The following GDA variants were observed in gnomAD, a reference collection of about 807,000 sequenced individuals.
GDA encodes guanine deaminase, also known as cytoplasmic PSD-95 interactor.
GDA carries 18 observed loss-of-function variants against 59.6 expected under a neutral mutation model. The observed-to-expected ratio is 0.30, with a 90% CI of 0.21 to 0.45. The LOEUF (loss-of-function observed/expected upper bound fraction) is 0.45, where lower values mean the gene tolerates loss of function less well. Among genes scored for constraint, GDA ranks in the 20% least tolerant of loss-of-function variants. The pLI, the probability that GDA is intolerant of heterozygous loss-of-function variation, is 1.00. For missense variants in GDA, 427 were observed against 552.3 expected, an observed-to-expected ratio of 0.77 and a Z score of 2.27; for synonymous variants, 201 against 201.1, an observed-to-expected ratio of 1.00 and a Z score of 0.00.
chr9:72,209,584 G>A (rs996196870), intron 3 of GDA, among the ~76,000 whole-genome samples: 1 of 151,878 alleles, frequency 6.6e-6, no homozygotes, highest in Non-Finnish European at 1.5e-5. Flanking sequence ...TTTCCTCTAA[G>A]ATTTTTTCCA....
At chr9:72,138,944 G>C (rs750241029) in intron 1 of GDA, among the ~76,000 whole-genome samples, 1 of 152,138 alleles carries the variant, frequency 6.6e-6, no homozygotes, top group African/African-American at 2.4e-5. Flanking sequence ...AATAATTTAT[G>C]TAATTAAGTT....
chr9:72,202,593 G>A lies in GDA; in HGVS notation c.235G>A (p.Val79Ile). ...SHHEFFMPGL[V>I]DTHIHASQYS... is the part of the protein sequence containing the mutation. Reference sequence around the variant, plus strand: ...CAGTGAGTTCTTCATGCCTGGGCTGGTTGATACACACATCCATGCCTCTCA... The same window carrying A: ...CAGTGAGTTCTTCATGCCTGGGCTGATTGATACACACATCCATGCCTCTCA... Residue 79 changes from valine (V) to isoleucine (I), a missense_variant, in exon 3 of 14, where the codon GTT (valine) becomes ATT (isoleucine). Val to Ile is a conservative substitution (Grantham distance 29). Coordinates refer to ENST00000358399, the MANE Select transcript of GDA (RefSeq NM_004293.5). 2.5e-6 allele frequency: 4 copies of A among 1,610,124 alleles called. No individual in the cohort carries two copies. Among genetic ancestry groups the A allele is most frequent in the Non-Finnish European group, 3.4e-6 (4 of 1,176,996 alleles).
At chr9:72,152,726 C>T (rs1827367014) in intron 1 of GDA, among the ~76,000 whole-genome samples, 1 of 151,978 alleles carries the variant, frequency 6.6e-6, no homozygotes, top group Non-Finnish European at 1.5e-5. Flanking sequence ...AAAATTTTCT[C>T]CCATTTTGTA....
chr9:72,255,619 G>A (rs1448465591), downstream of GDA, among the ~76,000 whole-genome samples: 1 of 152,188 alleles, frequency 6.6e-6, no homozygotes, highest in Non-Finnish European at 1.5e-5. Flanking sequence ...AACTATGAAA[G>A]ATGAATTGGC....
At chr9:72,232,847 A>G (rs1040989446) in intron 10 of GDA, among the ~76,000 whole-genome samples, 2 of 152,218 alleles carry the variant, frequency 1.3e-5, no homozygotes, top group Admixed American at 6.5e-5. Context: ...GTAACTAGCA[A>G]TTACAACTAT....
intron 1 of GDA, among the ~76,000 whole-genome samples, chr9:72,138,337 A>T (rs1441553626): frequency 6.6e-6 from 1 of 152,172 alleles, no homozygotes; most frequent in African/African-American, 2.4e-5. Flanking sequence ...GAGGCTAGAA[A>T]GGGAGCTGGA....
intron 1 of GDA, among the ~76,000 whole-genome samples, chr9:72,118,044 G>A (rs367818892): frequency 4.0e-5 from 6 of 151,746 alleles, no homozygotes; most frequent in East Asian, 3.9e-4. Flanking sequence ...AGGCTGAGGC[G>A]GGCGGATCAT....
chr9:72,123,581 G>A (rs544347084), intron 1 of GDA, among the ~76,000 whole-genome samples: 23 of 147,518 alleles, frequency 1.6e-4, no homozygotes, highest in African/African-American at 4.5e-4. Context: ...TCCATCTCCC[G>A]GGTTCAAGCG....
chr9:72,205,004 C>A (rs1834494238), intron 3 of GDA, among the ~76,000 whole-genome samples: 1 of 149,540 alleles, frequency 6.7e-6, no homozygotes, highest in Non-Finnish European at 1.5e-5. Flanking sequence ...CTCAGCTACT[C>A]AGGAGGCTGA....
intron 3 of GDA, among the ~76,000 whole-genome samples, chr9:72,206,160 A>AT (rs1363797143): frequency 3.3e-5 from 5 of 152,134 alleles, no homozygotes; most frequent in Non-Finnish European, 7.4e-5. Flanking sequence ...TTATTCTGCG[A>AT]TTTTTTAAAA....
intron 2 of GDA, among the ~76,000 whole-genome samples, chr9:72,196,310 G>A (rs555149280): frequency 2.0e-5 from 3 of 151,750 alleles, no homozygotes; most frequent in Admixed American, 6.6e-5. Context: ...GTGAAACCCC[G>A]TCTCTACTAA....
At chr9:72,229,171 TAAAAAAAA>T (rs34554102) in intron 9 of GDA, 341 of 42,324 alleles carry the variant, frequency 8.1e-3, no homozygotes, top group Admixed American at 0.016. Context: ...CAGTCTCTAC[TAAAAAAAA>T]AAAAAAAAAA....
rs1564025002 is a variant in GDA, at chr9:72,198,862, A to ATATATATATATATATATATATATATATAT, written c.212+3274_212+3275insTATATATATATATATATATATATATATAT. ...ATATAGGGGGATATATATATATATA[A>ATATATATATATATATATATATATATATAT]AATTTTTTTTGCTCAGGTTATGATA... On this transcript the variant is annotated intron_variant, in intron 2 of 13. Coordinates refer to ENST00000358399, the MANE Select transcript of GDA (RefSeq NM_004293.5). Among the ~76,000 whole-genome samples the ATATATATATATATATATATATATATATAT allele has an allele frequency of 3.6e-3, 331 of 91,608 alleles. 16 individuals carry two copies. Among genetic ancestry groups the ATATATATATATATATATATATATATATAT allele is most frequent in the African/African-American group, 0.012 (311 of 25,640 alleles). The allele number at this position is 91,608 out of a possible 152,430, so 60.1% of individuals were successfully genotyped here.
chr9:72,150,341 GCACA>G (rs796802920), intron 1 of GDA, among the ~76,000 whole-genome samples: 16 of 148,420 alleles, frequency 1.1e-4, no homozygotes, highest in East Asian at 2.0e-4. Flanking sequence ...ACACACGCAC[GCACA>G]CACACACACA....
chr9:72,250,450 T>C lies in GDA; in HGVS notation c.*2108T>C. On this transcript the variant is annotated 3_prime_UTR_variant, in exon 14 of 14. Transcript: ENST00000358399. Reference sequence around the variant, plus strand: ...ACATTTAAATTTAGCTCTGATAGTGTGTTAAGACCTGAATATCTTTCCTAG... The same window carrying C: ...ACATTTAAATTTAGCTCTGATAGTGCGTTAAGACCTGAATATCTTTCCTAG... The C allele has an allele frequency of 7.9e-7, 1 of 1,263,768 alleles. No individual in the cohort carries two copies. The highest frequency in any genetic ancestry group is 1.0e-6 in the Non-Finnish European group (1 of 998,394). 78.3% of individuals were successfully genotyped at this position (1,263,768 alleles called of 1,614,324 possible).
At chr9:72,214,288 T>A (rs569649917) in intron 5 of GDA, among the ~76,000 whole-genome samples, 6 of 151,794 alleles carry the variant, frequency 4.0e-5, no homozygotes, top group African/African-American at 7.2e-5. Flanking sequence ...ATTTTTATTT[T>A]TTTTTTTTGA....
chr9:72,248,833 T>C lies in GDA; in HGVS notation c.*491T>C, dbSNP rs894075233. The C allele has an allele frequency of 7.1e-6, 7 of 982,100 alleles. No homozygotes were observed. The African/African-American group carries it at 1.2e-4, about 17-fold the overall frequency. 60.8% of individuals were successfully genotyped at this position (982,100 alleles called of 1,614,324 possible). A position where few individuals can be genotyped will look rare whatever the true frequency, so the allele number is the denominator to read the frequency against. ...CTTCAGATTGTGTTTGAAAATTATA[T>C]ACTGAGCATACTAATTTAAAAAGAG... On this transcript the variant is annotated 3_prime_UTR_variant, in exon 14 of 14. Coordinates refer to ENST00000358399, the MANE Select transcript of GDA (RefSeq NM_004293.5).
chr9:72,163,198 G>T lies in GDA; in HGVS notation c.123+13516G>T, dbSNP rs1478131088. On this transcript the variant is annotated intron_variant, in intron 1 of 13. Coordinates refer to ENST00000358399, the MANE Select transcript of GDA (RefSeq NM_004293.5). ...CAGAGGAAAGGGAAGAGCTTTCCTG[G>T]GTTTTAGGCTTGTACAACTGGATGG... Among the ~76,000 whole-genome samples the T allele has an allele frequency of 2.0e-5, 3 of 152,194 alleles. No homozygotes were observed. In the East Asian group the frequency reaches 5.8e-4, roughly 29 times the overall value.
At chr9:72,182,041 T>C (rs1023553920) in intron 1 of GDA, among the ~76,000 whole-genome samples, 1 of 152,114 alleles carries the variant, frequency 6.6e-6, no homozygotes, top group African/African-American at 2.4e-5. Context: ...CACACACACA[T>C]TTTTCTGGAC....
Sources: allele counts gnomAD v4.1 joint callset (sites outside exome capture counted in the v4.1 genomes callset), GRCh38; gene constraint gnomAD v4.1.1; transcripts MANE v1.5; gene names NCBI Gene and HGNC (gene_info 2026-07-23, HGNC 2026-07-21).